The following GLIS3 variants were observed in gnomAD, a reference collection of about 807,000 sequenced individuals.
GLIS3 encodes zinc finger protein GLIS3.
A neutral mutation model predicts 78.6 loss-of-function variants in GLIS3; 53 were observed. The ratio of observed to expected loss-of-function variants is 0.67; its 90% CI spans 0.54 to 0.85. GLIS3 has a LOEUF of 0.85. Among genes scored for constraint, GLIS3 ranks in the 40% least tolerant of loss-of-function variants. GLIS3 has a pLI of 0.00. For missense variants in GLIS3, 1,703 were observed against 1,231.1 expected, an observed-to-expected ratio of 1.38 and a Z score of -5.74; for synonymous variants, 684 against 509.9, an observed-to-expected ratio of 1.34 and a Z score of -4.60.
chr9:4,372,469 G>A, the GLIS3 span, among the ~76,000 whole-genome samples: 1,409 of 150,420 alleles, frequency 9.4e-3, 34 homozygotes, highest in African/African-American at 0.032. Flanking sequence ...AAACCAACCA[G>A]TCCAGAGTCG....
At chr9:4,306,357 A>G (rs1350242149) in intron 4 of GLIS3, among the ~76,000 whole-genome samples, 1 of 152,110 alleles carries the variant, frequency 6.6e-6, no homozygotes, top group African/African-American at 2.4e-5. Context: ...GGTCAATTTA[A>G]TATTATGCAA....
chr9:4,094,241 T>C (rs1020276915), intron 4 of GLIS3, among the ~76,000 whole-genome samples: 5 of 152,212 alleles, frequency 3.3e-5, no homozygotes, highest in Admixed American at 6.5e-5. Context: ...AAACATTTCT[T>C]ACCTACCAGA....
chr9:4,286,239 G>A lies in GLIS3; in HGVS notation c.187C>T (p.Pro63Ser), dbSNP rs537067524. ...TGAGGAGCCATCCCTCCTCCTGAGGGCATCTTGAGATGGAGGTTGTTAGCA... is the reference window on the plus strand; with the variant it reads ...TGAGGAGCCATCCCTCCTCCTGAGGACATCTTGAGATGGAGGTTGTTAGCA... ...SLANNLHLKMPSGGGMAPQNN... is the reference protein window; with the variant it reads ...SLANNLHLKMSSGGGMAPQNN... The change falls in exon 2 of 11, where the codon CCC (proline) becomes TCC (serine). Residue 63 changes from proline (P) to serine (S), a missense_variant. Coordinates refer to ENST00000381971, the MANE Select transcript of GLIS3 (RefSeq NM_001042413.2). The A allele has an allele frequency of 4.4e-5, 71 of 1,614,216 alleles. No individual in the cohort carries two copies. The highest frequency in any genetic ancestry group is 2.4e-4 in the African/African-American group (18 of 75,066).
At chr9:4,326,182 C>A (rs1383685876) in intron 2 of GLIS3, among the ~76,000 whole-genome samples, 1 of 152,122 alleles carries the variant, frequency 6.6e-6, no homozygotes, top group African/African-American at 2.4e-5. Context: ...ACCTGCACAT[C>A]CTGCACGTGT....
intron 6 of GLIS3, among the ~76,000 whole-genome samples, chr9:3,919,915 T>C (rs1445887362): frequency 1.3e-5 from 2 of 151,942 alleles, no homozygotes; most frequent in East Asian, 1.9e-4. Flanking sequence ...GTGATTATTA[T>C]TGTTGGCCCT....
chr9:4,327,029 TAGAC>T (rs1401319323), intron 2 of GLIS3, among the ~76,000 whole-genome samples: 1 of 152,098 alleles, frequency 6.6e-6, no homozygotes, highest in Admixed American at 6.6e-5. Flanking sequence ...TCAGGTGGGG[TAGAC>T]AGACATGAAA....
At chr9:4,146,981 C>T (rs193055423) in intron 2 of GLIS3, among the ~76,000 whole-genome samples, 19 of 152,290 alleles carry the variant, frequency 1.2e-4, no homozygotes, top group Non-Finnish European at 2.9e-5. Context: ...GTCAAATGCA[C>T]TAGATCTTAT....
At chr9:4,362,439 T>A in the GLIS3 span, among the ~76,000 whole-genome samples, 1 of 152,214 alleles carries the variant, frequency 6.6e-6, no homozygotes, top group Non-Finnish European at 1.5e-5. Context: ...CCATCTCAGC[T>A]GAAGCTCCCT....
upstream of GLIS3, among the ~76,000 whole-genome samples, chr9:4,352,637 G>C (rs1045810908): frequency 1.1e-4 from 16 of 152,220 alleles, no homozygotes; most frequent in African/African-American, 3.9e-4. Flanking sequence ...AGCTTTTGTG[G>C]GCACAGACCT....
intron 2 of GLIS3, among the ~76,000 whole-genome samples, chr9:4,285,036 G>T (rs1216772976): frequency 6.6e-6 from 1 of 151,938 alleles, no homozygotes; most frequent in African/African-American, 2.4e-5. Flanking sequence ...ACAACTTTTT[G>T]GCTACTTGAC....
chr9:4,004,709 G>A (rs1214985282), intron 4 of GLIS3, among the ~76,000 whole-genome samples: 1 of 152,158 alleles, frequency 6.6e-6, no homozygotes, highest in Non-Finnish European at 1.5e-5. Flanking sequence ...AAGTTTCATA[G>A]AACACTGAAA....
intron 4 of GLIS3, among the ~76,000 whole-genome samples, chr9:4,097,023 T>C (rs914396764): frequency 4.0e-5 from 6 of 151,606 alleles, no homozygotes; most frequent in East Asian, 1.9e-4. Context: ...AATAAATAAA[T>C]AAACAAACAA....
At chr9:4,184,891 T>TA (rs35933799) in intron 2 of GLIS3, among the ~76,000 whole-genome samples, 85,319 of 151,954 alleles carry the variant, frequency 0.56, 24,256 homozygotes, top group South Asian at 0.72. Context: ...GTATTAAATA[T>TA]TGGGTTACAT....
chr9:3,850,049 A>T (rs1045433137), intron 9 of GLIS3, among the ~76,000 whole-genome samples: 5 of 152,238 alleles, frequency 3.3e-5, no homozygotes, highest in African/African-American at 1.2e-4. Flanking sequence ...GGTCTTTGAG[A>T]AATCTAAAAT....
intron 4 of GLIS3, among the ~76,000 whole-genome samples, chr9:4,077,595 A>C (rs1185721781): frequency 3.9e-5 from 6 of 152,232 alleles, no homozygotes; most frequent in Non-Finnish European, 7.3e-5. Context: ...ATCTCAGCTT[A>C]AGAAAATATC....
intron 4 of GLIS3, among the ~76,000 whole-genome samples, chr9:3,954,932 C>T (rs778749543): frequency 3.9e-5 from 6 of 152,074 alleles, no homozygotes; most frequent in East Asian, 1.9e-4. Flanking sequence ...ACAATTCAGA[C>T]AATGGTGCAC....
intron 8 of GLIS3, among the ~76,000 whole-genome samples, chr9:3,860,817 T>C (rs183889853): frequency 1.6e-3 from 244 of 152,340 alleles, no homozygotes; most frequent in Middle Eastern, 0.01. Flanking sequence ...GGGGTCTTTG[T>C]TGAGCACTAA....
At position 4,126,771 on chromosome 9, in the gene GLIS3, C is replaced by G. The variant is rs75298071; in HGVS notation, c.389-830G>C. Among the ~76,000 whole-genome samples the G allele has an allele frequency of 8.1e-3, 1,230 of 152,244 alleles. 19 individuals are homozygous for G. The highest frequency in any genetic ancestry group is 0.028 in the African/African-American group (1,177 of 41,540). ...TAGACATTCTTTTTACATGGATGCA[C>G]TTTTTCAAACTTTTTTTGTCAACTA... is the stretch of plus-strand genomic sequence containing the variant. On this transcript the variant is annotated intron_variant, in intron 2 of 10. Transcript: ENST00000381971.
At chr9:4,177,651 C>T (rs1816929290) in intron 2 of GLIS3, among the ~76,000 whole-genome samples, 1 of 152,090 alleles carries the variant, frequency 6.6e-6, no homozygotes, top group South Asian at 2.1e-4. Context: ...CAACCTTTCC[C>T]AGGGTGTAAA....
Sources: gnomAD v4.1 joint callset for allele counts (sites outside exome capture counted in the v4.1 genomes callset) on GRCh38, gnomAD v4.1.1 for gene constraint, MANE v1.5 for transcripts, NCBI Gene and HGNC (gene_info 2026-07-23, HGNC 2026-07-21) for gene names.